OSBPL9: variants seen among roughly 807,000 people sequenced by gnomAD.
OSBPL9 encodes the protein oxysterol binding protein like 9.
In OSBPL9, 40 loss-of-function variants were observed where a neutral mutation model predicts 106.6. The observed-to-expected ratio is 0.38, with a 90% confidence interval of 0.29 to 0.49. The LOEUF is 0.49. Ranked by LOEUF, OSBPL9 falls within the 20% of genes least tolerant of loss-of-function variation. The pLI is 0.97. For missense variants in OSBPL9, 609 were observed against 887.2 expected, an observed-to-expected ratio of 0.69 and a Z score of 3.98; for synonymous variants, 269 against 295.4, an observed-to-expected ratio of 0.91 and a Z score of 0.92.
intron 2 of OSBPL9, among the ~76,000 whole-genome samples, chr1:51,610,405 C>T (rs775083703): frequency 4.6e-5 from 7 of 152,030 alleles, no homozygotes; most frequent in Non-Finnish European, 7.4e-5. Flanking sequence ...GGATTATAGG[C>T]GTGCACCACC....
chr1:51,617,060 C>T (rs754673155), upstream of OSBPL9: 11 of 1,277,950 alleles, frequency 8.6e-6, no homozygotes, highest in East Asian at 4.5e-4. Flanking sequence ...ATGCTGAATG[C>T]CATATAGGCG....
chr1:51,787,806 T>C lies in OSBPL9; in HGVS notation c.*17T>C, dbSNP rs763891459. ...AAGCATTAGGTTGGAAGATGCAAAGTTTATACCTGATGATCAGGGCAGTAG... is the reference window on the plus strand; with the variant it reads ...AAGCATTAGGTTGGAAGATGCAAAGCTTATACCTGATGATCAGGGCAGTAG... On this transcript the variant is annotated 3_prime_UTR_variant, in exon 24 of 24. Transcript: ENST00000428468. The C allele has an allele frequency of 5.0e-6, 8 of 1,595,780 alleles. No individual in the cohort carries two copies. In the East Asian group the frequency reaches 6.7e-5, roughly 13 times the overall value.
At chr1:51,703,416 A>T (rs1390014248) in intron 3 of OSBPL9, among the ~76,000 whole-genome samples, 2 of 152,176 alleles carry the variant, frequency 1.3e-5, no homozygotes, top group African/African-American at 4.8e-5. Flanking sequence ...TGTGAATGGG[A>T]GTTCACACAT....
At chr1:51,648,581 A>G (rs939564668) in intron 1 of OSBPL9, among the ~76,000 whole-genome samples, 4 of 152,160 alleles carry the variant, frequency 2.6e-5, no homozygotes, top group Non-Finnish European at 5.9e-5. Context: ...ATAGCCCCGC[A>G]TTAAAGCTGA....
At chr1:51,752,756 C>T (rs1274041481) in intron 8 of OSBPL9, 3 of 292,106 alleles carry the variant, frequency 1.0e-5, no homozygotes, top group Non-Finnish European at 2.1e-5. Flanking sequence ...GGAGCGTGCA[C>T]GTGTGAGATA....
intron 3 of OSBPL9, among the ~76,000 whole-genome samples, chr1:51,682,616 G>A (rs993653456): frequency 6.6e-6 from 1 of 152,042 alleles, no homozygotes; most frequent in Non-Finnish European, 1.5e-5. Flanking sequence ...AAATTAGCCA[G>A]GCCTGGTGGC....
intron 14 of OSBPL9, among the ~76,000 whole-genome samples, chr1:51,776,396 G>A (rs1437197815): frequency 6.6e-6 from 1 of 152,140 alleles, no homozygotes; most frequent in Non-Finnish European, 1.5e-5. Flanking sequence ...GGGACGCTGA[G>A]CTTCATATTT....
In OSBPL9 at chr1:51,643,690, G is replaced by A. The variant is rs188170774; in HGVS notation, c.112-8301G>A. Reference sequence around the variant, plus strand: ...TGCTTGCTTGTTTTGTTTTTTAATCGAAGAAGTAACCTGATCAGATTCATG... The same window carrying A: ...TGCTTGCTTGTTTTGTTTTTTAATCAAAGAAGTAACCTGATCAGATTCATG... On this transcript the variant is annotated intron_variant, in intron 1 of 23. Transcript: ENST00000428468. 1.4e-4 allele frequency among the ~76,000 whole-genome samples: 22 copies of A among 152,092 alleles called. No homozygotes were observed. The East Asian group carries it at 2.5e-3, about 17-fold the overall frequency.
chr1:51,590,599 G>A (rs1368113370), intron 1 of OSBPL9, among the ~76,000 whole-genome samples: 3 of 128,484 alleles, frequency 2.3e-5, no homozygotes, highest in Non-Finnish European at 4.7e-5. Flanking sequence ...CAGCCTGGGC[G>A]ACAGAGTGAG....
At chr1:51,663,009 A>G (rs188443485) in intron 2 of OSBPL9, among the ~76,000 whole-genome samples, 49 of 152,164 alleles carry the variant, frequency 3.2e-4, no homozygotes, top group East Asian at 1.9e-3. Context: ...CTCCCAAAGT[A>G]CTGGGATTAC....
At chr1:51,519,394 C>CCCCGCCCGCCCG in the OSBPL9 span, 1 of 229,016 alleles carries the variant, frequency 4.4e-6, no homozygotes, top group Non-Finnish European at 8.7e-6. Context: ...CCCCGCCTGG[C>CCCCGCCCGCCCG]CCCGCCCGCC....
chr1:51,713,390 TCCG>T (rs1367373004), intron 3 of OSBPL9, among the ~76,000 whole-genome samples: 1 of 152,060 alleles, frequency 6.6e-6, no homozygotes. Context: ...CCTCAGGTGA[TCCG>T]CCCGCCTCAG....
At chr1:51,723,291 T>C (rs1662482630) in intron 4 of OSBPL9, among the ~76,000 whole-genome samples, 2 of 152,256 alleles carry the variant, frequency 1.3e-5, no homozygotes, top group African/African-American at 4.8e-5. Flanking sequence ...TCCAGTGTGC[T>C]CCACCTGTTC....
At chr1:51,772,234 C>T in intron 13 of OSBPL9, 52 bp downstream of exon 13, 2 of 1,435,572 alleles carry the variant, frequency 1.4e-6, no homozygotes, top group South Asian at 2.5e-5. Flanking sequence ...TATTTGTGGC[C>T]AGATGTGGTG....
At position 51,768,707 on chromosome 1, in the gene OSBPL9, A is replaced by G. The variant is rs572141635; in HGVS notation, c.938+2726A>G. On this transcript the variant is annotated intron_variant, in intron 12 of 23. Coordinates refer to ENST00000428468, the MANE Select transcript of OSBPL9 (RefSeq NM_024586.6). ...TTTGAGGGATTCTCCCAAAATTTCT[A>G]TGAAATCGAAACATTTAAAACACCT... Among the ~76,000 whole-genome samples the G allele has an allele frequency of 5.3e-5, 8 of 152,358 alleles. No individual in the cohort carries two copies. In the South Asian group the frequency reaches 1.7e-3, roughly 32 times the overall value.
At chr1:51,528,706 T>C in the OSBPL9 span, among the ~76,000 whole-genome samples, 2 of 151,598 alleles carry the variant, frequency 1.3e-5, no homozygotes, top group Non-Finnish European at 2.9e-5. Flanking sequence ...ACCCTGTCTC[T>C]GCAAAAAAAT....
chr1:51,644,361 C>T (rs1353442407), intron 1 of OSBPL9, among the ~76,000 whole-genome samples: 1 of 152,062 alleles, frequency 6.6e-6, no homozygotes, highest in Non-Finnish European at 1.5e-5. Context: ...GAGTCTTGCG[C>T]TGTTGCCCAG....
chr1:51,544,122 A>G, the OSBPL9 span, among the ~76,000 whole-genome samples: 1 of 152,242 alleles, frequency 6.6e-6, no homozygotes, highest in Non-Finnish European at 1.5e-5. Flanking sequence ...TGCTGTTCAT[A>G]TCACCCCTTG....
chr1:51,558,761 T>C, the OSBPL9 span, among the ~76,000 whole-genome samples: 7 of 152,188 alleles, frequency 4.6e-5, no homozygotes, highest in African/African-American at 9.7e-5. Flanking sequence ...TTTATTAAAC[T>C]CTCTGTTGTG....
Sources: gnomAD v4.1 joint callset for allele counts (sites outside exome capture counted in the v4.1 genomes callset) on GRCh38, gnomAD v4.1.1 for gene constraint, MANE v1.5 for transcripts, NCBI Gene and HGNC (gene_info 2026-07-23, HGNC 2026-07-21) for gene names.